The following ASXL3 variants were observed in gnomAD, a reference collection of about 807,000 sequenced individuals.
The protein encoded by ASXL3 is ASXL transcriptional regulator 3.
ASXL3 carries 34 observed loss-of-function variants against 170.6 expected under a neutral mutation model. The observed-to-expected ratio is 0.20, with a 90% CI of 0.15 to 0.27. ASXL3 has a LOEUF of 0.27. ASXL3 is among the 10% of genes least tolerant of loss of function. ASXL3 has a pLI of 1.00. For synonymous variants in ASXL3, 1,002 were observed against 989.1 expected, an observed-to-expected ratio of 1.01 and a Z score of -0.24; for missense variants, 2,592 against 2,695.3, an observed-to-expected ratio of 0.96 and a Z score of 0.85.
chr18:33,616,997 G>A (rs150366326), intron 2 of ASXL3, among the ~76,000 whole-genome samples: 10 of 152,226 alleles, frequency 6.6e-5, no homozygotes, highest in African/African-American at 1.4e-4. Context: ...GTCCATAACC[G>A]TGATTCAGAA....
intron 8 of ASXL3, among the ~76,000 whole-genome samples, chr18:33,713,243 G>GTTTTTTTTTTTTTTTTTT (rs1568343444): frequency 4.4e-5 from 2 of 45,490 alleles, no homozygotes; most frequent in African/African-American, 1.9e-4. Context: ...TTTTTGTTTT[G>GTTTTTTTTTTTTTTTTTT]TTTTGTTTTT....
chr18:33,711,318 CTCATT>C (rs2067059165), intron 8 of ASXL3, among the ~76,000 whole-genome samples: 1 of 152,108 alleles, frequency 6.6e-6, no homozygotes, highest in Non-Finnish European at 1.5e-5. Flanking sequence ...GAATATTCTT[CTCATT>C]TAATTTTGTA....
intron 1 of ASXL3, among the ~76,000 whole-genome samples, chr18:33,582,736 G>T (rs560875364): frequency 0.015 from 1,932 of 131,312 alleles, 30 homozygotes; most frequent in African/African-American, 0.051. Context: ...GTGTGTGTGT[G>T]TGTGTTTTCT....
chr18:33,612,589 TTATGA>T (rs1219116644), intron 2 of ASXL3, among the ~76,000 whole-genome samples: 1 of 152,098 alleles, frequency 6.6e-6, no homozygotes, highest in African/African-American at 2.4e-5. Flanking sequence ...GCGGTCTCTG[TTATGA>T]TATGCTGAAA....
chr18:33,670,735 T>A lies in ASXL3; in HGVS notation c.540T>A (p.Pro180=). The A allele has an allele frequency of 1.3e-6, 2 of 1,567,714 alleles. No individual in the cohort carries two copies. The highest frequency in any genetic ancestry group is 1.9e-5 in the Admixed American group (1 of 53,450). ...CAATGATGGTAAACAAGACTGTTCC[T>A]CGTGTTGTTTTGACACCATTAAAGG... is the stretch of plus-strand genomic sequence containing the variant. ...GVSMMVNKTV[P]RVVLTPLKVS... The change falls in exon 6 of 12, where the codon CCT becomes CCA. Residue 180 remains proline (P), a synonymous_variant. Transcript: ENST00000269197.
chr18:33,633,605 A>C (rs1240972032), intron 2 of ASXL3, among the ~76,000 whole-genome samples: 3 of 152,140 alleles, frequency 2.0e-5, no homozygotes, highest in Non-Finnish European at 2.9e-5. Context: ...GCATTTTGGG[A>C]GGCCAAGGGG....
At chr18:33,624,051 G>C (rs896316750) in intron 2 of ASXL3, among the ~76,000 whole-genome samples, 6 of 152,094 alleles carry the variant, frequency 3.9e-5, no homozygotes, top group Non-Finnish European at 8.8e-5. Flanking sequence ...CTAGCTACTT[G>C]GGAGACTAAG....
intron 2 of ASXL3, among the ~76,000 whole-genome samples, chr18:33,642,290 A>G (rs966623337): frequency 3.3e-5 from 5 of 151,988 alleles, no homozygotes; most frequent in African/African-American, 4.8e-5. Flanking sequence ...ATGGTATGAA[A>G]TGTTTTTGAA....
intron 2 of ASXL3, among the ~76,000 whole-genome samples, chr18:33,630,576 A>G (rs1382087272): frequency 6.6e-6 from 1 of 152,032 alleles, no homozygotes; most frequent in Non-Finnish European, 1.5e-5. Context: ...TCTTAACACT[A>G]GTGGTTAAGT....
intron 8 of ASXL3, among the ~76,000 whole-genome samples, chr18:33,712,845 A>G (rs144899105): frequency 6.6e-6 from 1 of 152,298 alleles, no homozygotes; most frequent in Non-Finnish European, 1.5e-5. Flanking sequence ...TTTCTCTCTA[A>G]TAACAGTCTG....
chr18:33,674,622 C>CT (rs746869542), intron 7 of ASXL3, among the ~76,000 whole-genome samples: 1,503 of 145,886 alleles, frequency 0.01, 12 homozygotes, highest in Non-Finnish European at 0.012. Flanking sequence ...TAACCCATGT[C>CT]TTTTTTTTTT....
chr18:33,683,605 A>G, intron 8 of ASXL3, 37 bp downstream of exon 8: 1 of 1,562,824 alleles, frequency 6.4e-7, no homozygotes, highest in Non-Finnish European at 8.7e-7. Flanking sequence ...ACCAGCCACT[A>G]GTTATATTAT....
At chr18:33,655,112 A>C (rs551790924) in intron 4 of ASXL3, among the ~76,000 whole-genome samples, 4 of 152,162 alleles carry the variant, frequency 2.6e-5, no homozygotes, top group Admixed American at 2.6e-4. Flanking sequence ...GGTGAACGAC[A>C]TTTGCATCAT....
chr18:33,652,680 A>G (rs556433479), intron 4 of ASXL3, among the ~76,000 whole-genome samples: 55 of 151,822 alleles, frequency 3.6e-4, no homozygotes, highest in Middle Eastern at 3.5e-3. Flanking sequence ...ACATTTGAAG[A>G]ATTTTATGAA....
chr18:33,588,876 C>A (rs1157830222), intron 1 of ASXL3, among the ~76,000 whole-genome samples: 2 of 152,166 alleles, frequency 1.3e-5, no homozygotes, highest in African/African-American at 4.8e-5. Flanking sequence ...AAGCCACCAC[C>A]ATTTCCACAT....
chr18:33,661,093 C>A (rs1286286993), intron 4 of ASXL3, among the ~76,000 whole-genome samples: 1 of 152,088 alleles, frequency 6.6e-6, no homozygotes, highest in African/African-American at 2.4e-5. Flanking sequence ...TTTCTTTTTT[C>A]CTTATCCATG....
At chr18:33,626,901 G>A (rs1212018034) in intron 2 of ASXL3, 1 of 153,010 alleles carries the variant, frequency 6.5e-6, no homozygotes, top group African/African-American at 2.4e-5. Flanking sequence ...GACAGCGTTG[G>A]TGTGTATGAA....
At chr18:33,582,837 A>G (rs1334423395) in intron 1 of ASXL3, among the ~76,000 whole-genome samples, 1 of 152,108 alleles carries the variant, frequency 6.6e-6, no homozygotes, top group Non-Finnish European at 1.5e-5. Flanking sequence ...CTTTTACGAC[A>G]CAGCAGGGTT....
Position 33,626,410 on chromosome 18 carries a change from GTTAGAC to G in ASXL3, c.138-18480_138-18475del, listed in dbSNP as rs2065604648. On this transcript the variant is annotated intron_variant, in intron 2 of 11. Coordinates refer to ENST00000269197, the MANE Select transcript of ASXL3 (RefSeq NM_030632.3). The stretch of plus-strand genomic sequence containing the variant: ...AGATAATGCTGTCAAGGTGATGGTA[GTTAGAC>G]TTATGAAAGTGGTGGGATTCAGGAG... 5.9e-5 allele frequency among the ~76,000 whole-genome samples: 9 copies of G among 152,160 alleles called. No individual in the cohort carries two copies. The South Asian group carries it at 1.9e-3, about 32-fold the overall frequency.
Sources: gnomAD v4.1 joint callset for allele counts (sites outside exome capture counted in the v4.1 genomes callset) on GRCh38, gnomAD v4.1.1 for gene constraint, MANE v1.5 for transcripts, NCBI Gene and HGNC (gene_info 2026-07-23, HGNC 2026-07-21) for gene names.